TAF1: variants seen among roughly 807,000 people sequenced by gnomAD.
TAF1 encodes TATA-box binding protein associated factor 1.
In TAF1, 2 loss-of-function variants were observed where a neutral mutation model predicts 138.5. The observed-to-expected ratio is 0.01, with a 90% CI of 0.01 to 0.05. The LOEUF is 0.05. TAF1 is among the 10% of genes least tolerant of loss of function. The probability of loss-of-function intolerance (pLI) is 1.00; values close to 1 mark genes in which losing one functional copy is unlikely to be tolerated. For synonymous variants in TAF1, 437 were observed against 503.2 expected (o/e 0.87, Z 1.76); for missense variants, 709 against 1,478.0 (o/e 0.48, Z 8.53).
intron 1 of TAF1, 71 bp from the exon 2 acceptor site, chrX:71,367,428 G>A (rs1569262543): frequency 2.7e-6 from 3 of 1,131,591 alleles, no homozygotes; most frequent in East Asian, 3.1e-5. Flanking sequence ...CGTGGACCAG[G>A]GAAATAAGTC....
intron 13 of TAF1, among the ~76,000 whole-genome samples, chrX:71,384,555 G>C (rs1389755871): frequency 9.1e-6 from 1 of 110,488 alleles, no homozygotes; most frequent in Non-Finnish European, 1.9e-5. Context: ...GACTACAGGC[G>C]TGTGCCACCA....
chrX:71,385,954 G>A (rs1462832723), intron 14 of TAF1, among the ~76,000 whole-genome samples: 2 of 110,924 alleles, frequency 1.8e-5, no homozygotes, highest in Non-Finnish European at 3.8e-5. Flanking sequence ...CTGAGGTCAG[G>A]AGTTCGAGAC....
intron 13 of TAF1, among the ~76,000 whole-genome samples, chrX:71,509,262 G>A (rs191892152): frequency 8.9e-6 from 1 of 112,054 alleles, no homozygotes; most frequent in East Asian, 2.8e-4. Flanking sequence ...GAGGCAGGGA[G>A]ACTAATAAGA....
chrX:71,401,449 T>A, intron 24 of TAF1, 79 bp from the exon 25 acceptor site: 1 of 1,141,759 alleles, frequency 8.8e-7, no homozygotes, highest in Non-Finnish European at 1.2e-6. Context: ...GAGGGATGAC[T>A]TTATTTCTTA....
intron 18 of TAF1, 27 bp downstream of exon 18, chrX:71,389,692 G>C (rs764407920): frequency 9.5e-7 from 1 of 1,055,102 alleles, no homozygotes; most frequent in Non-Finnish European, 1.3e-6. Flanking sequence ...GTTTGTATTA[G>C]TCATTAATAC....
At chrX:71,386,743 G>T (rs2034254932) in intron 14 of TAF1, among the ~76,000 whole-genome samples, 1 of 112,974 alleles carries the variant, frequency 8.9e-6, no homozygotes, top group African/African-American at 3.2e-5. Flanking sequence ...GAGATTACAG[G>T]CATGAGTCAC....
intron 18 of TAF1, among the ~76,000 whole-genome samples, chrX:71,391,564 T>G (rs772064193): frequency 2.2e-4 from 24 of 109,990 alleles, no homozygotes; most frequent in Non-Finnish European, 4.0e-4. Flanking sequence ...AAAAAAGAAT[T>G]CTGTTGAATG....
chrX:71,495,440 G>T (rs1184484819), intron 13 of TAF1, among the ~76,000 whole-genome samples: 1 of 111,677 alleles, frequency 9.0e-6, no homozygotes, highest in African/African-American at 3.3e-5. Context: ...TCCAGAGGTT[G>T]GTATAAGAGT....
chrX:71,501,062 CAAAAA>C (rs35676863), intron 13 of TAF1, among the ~76,000 whole-genome samples: 1 of 74,310 alleles, frequency 1.3e-5, no homozygotes. Context: ...AGACTTCTCT[CAAAAA>C]AAAAAAAAAA....
chrX:71,503,997 T>G (rs2039571717), intron 13 of TAF1, among the ~76,000 whole-genome samples: 1 of 111,453 alleles, frequency 9.0e-6, no homozygotes, highest in South Asian at 3.8e-4. Flanking sequence ...GCCATTTGAC[T>G]TTAAATAAGG....
Position 71,383,093 on chromosome X carries a change from T to C in TAF1, c.1876T>C (p.Phe626Leu). The change falls in exon 12 of 38, where the codon TTT (phenylalanine) becomes CTT (leucine). Residue 626 changes from phenylalanine to leucine, a missense_variant. This residue lies in a region of TAF1 where 201 missense variants were observed against 421.3 expected (regional missense o/e 0.48). Coordinates refer to ENST00000423759, the MANE Select transcript of TAF1 (RefSeq NM_004606.5). The stretch of plus-strand genomic sequence containing the variant: ...TCGCCCACCTCTGAAAAAGTACTCA[T>C]TTGGTGCACTTTCTCAGCCAGGTCC... ...FHRPPLKKYS[F>L]GALSQPGPHS... The C allele has an allele frequency of 8.3e-7, 1 of 1,211,364 alleles. No individual in the cohort carries two copies. The highest frequency in any genetic ancestry group is 1.8e-5 in the South Asian group (1 of 56,964).
chrX:71,503,308 A>G (rs1349131347), intron 13 of TAF1, among the ~76,000 whole-genome samples: 1 of 95,766 alleles, frequency 1.0e-5, no homozygotes, highest in African/African-American at 4.2e-5. Flanking sequence ...GTATATATAT[A>G]TATATATATA....
At chrX:71,484,075 G>A (rs1232316413) in intron 13 of TAF1, among the ~76,000 whole-genome samples, 1 of 109,432 alleles carries the variant, frequency 9.1e-6, no homozygotes, top group East Asian at 2.9e-4. Context: ...TCACTATGTT[G>A]CTGAGGCCAG....
At chrX:71,517,039 A>G (rs776334032) in intron 13 of TAF1, among the ~76,000 whole-genome samples, 1 of 110,568 alleles carries the variant, frequency 9.0e-6, no homozygotes, top group Admixed American at 9.8e-5. Context: ...ACAATTTTAA[A>G]AGGGCGGGAG....
chrX:71,427,423 T>C (rs1301630619), intron 32 of TAF1, among the ~76,000 whole-genome samples: 1 of 111,443 alleles, frequency 9.0e-6, no homozygotes, highest in African/African-American at 3.3e-5. Context: ...AAAGACTATG[T>C]ATAGCAAGTG....
At chrX:71,381,695 G>A (rs778001926) in intron 8 of TAF1, 48 bp from the exon 9 acceptor site, 1 of 1,158,548 alleles carries the variant, frequency 8.6e-7, no homozygotes, top group Non-Finnish European at 1.2e-6. Flanking sequence ...GATTGAAAGG[G>A]GCATAAATGT....
chrX:71,444,140 C>T (rs1283741431), intron 32 of TAF1, among the ~76,000 whole-genome samples: 1 of 109,713 alleles, frequency 9.1e-6, no homozygotes, highest in East Asian at 2.9e-4. Context: ...CCCAAGTAGC[C>T]GGGATTACAG....
At chrX:71,495,316 C>G (rs1177011823) in intron 13 of TAF1, among the ~76,000 whole-genome samples, 2 of 111,300 alleles carry the variant, frequency 1.8e-5, no homozygotes, top group Non-Finnish European at 3.8e-5. Context: ...TTGATGGCCT[C>G]GATCCTAGAG....
intron 3 of TAF1, 74 bp from the exon 4 acceptor site, chrX:71,375,089 AAATT>A: frequency 1.8e-6 from 2 of 1,137,980 alleles, no homozygotes. Flanking sequence ...AAAAAAAAAA[AAATT>A]GAGTGGCAAG....
Sources: gnomAD v4.1 joint callset for allele counts (sites outside exome capture counted in the v4.1 genomes callset) on GRCh38, gnomAD v4.1.1 for gene constraint, gnomAD v4.1.1 regional missense constraint, MANE v1.5 for transcripts, NCBI Gene and HGNC (gene_info 2026-07-23, HGNC 2026-07-21) for gene names.